NHSL1: variants seen among roughly 807,000 people sequenced by gnomAD.
NHSL1 encodes the protein NHS like 1.
A neutral mutation model predicts 95.0 loss-of-function variants in NHSL1; 48 were observed. The ratio of observed to expected loss-of-function variants is 0.51; its 90% CI spans 0.40 to 0.64. NHSL1 has a LOEUF of 0.64. Ranked by LOEUF, NHSL1 falls within the 30% of genes least tolerant of loss-of-function variation. NHSL1 has a pLI of 0.00. For synonymous variants in NHSL1, 783 were observed against 833.9 expected, an observed-to-expected ratio of 0.94 and a Z score of 1.05; for missense variants, 1,971 against 2,077.7, an observed-to-expected ratio of 0.95 and a Z score of 1.00.
At chr6:138,559,858 C>T (rs1783347112) in intron 1 of NHSL1, among the ~76,000 whole-genome samples, 1 of 152,194 alleles carries the variant, frequency 6.6e-6, no homozygotes, top group Non-Finnish European at 1.5e-5. Flanking sequence ...AATCATTCCA[C>T]AAAGCTATTC....
At chr6:138,533,179 G>A (rs1459808478) in intron 1 of NHSL1, among the ~76,000 whole-genome samples, 1 of 152,010 alleles carries the variant, frequency 6.6e-6, no homozygotes, top group Non-Finnish European at 1.5e-5. Context: ...ATAGATACAG[G>A]GGAACCCTAG....
At chr6:138,577,049 A>C (rs1202085592), upstream of NHSL1, among the ~76,000 whole-genome samples, 1 of 152,218 alleles carries the variant, frequency 6.6e-6, no homozygotes, top group Non-Finnish European at 1.5e-5. Flanking sequence ...GAATTTGGAA[A>C]GATTTATCTA....
rs1254337356 is a variant in NHSL1 at position 138,432,066 on chromosome 6, C to A, written c.2279G>T (p.Cys760Phe). Residue 760 changes from cysteine (C) to phenylalanine (F), a missense_variant, in exon 6 of 8, where the codon TGC becomes TTC. Physicochemically the swap from Cys to Phe is radical, Grantham distance 205. This residue lies in a region of NHSL1 where 1,602 missense variants were observed against 1,654.5 expected (regional missense o/e 0.97). Coordinates refer to ENST00000343505, the MANE Select transcript of NHSL1 (RefSeq NM_001144060.2). The surrounding 1 kb of genome is among the most constrained non-coding windows in gnomAD (Gnocchi z 4.4). ...SATTPNVYSL[C>F]GATPSQSDTS... ...GTCACTCTGCGATGGCGTGGCCCCG[C>A]ACAGGGAGTAGACATTGGGGGTGGT... is the stretch of plus-strand genomic sequence containing the variant. 6.4e-7 allele frequency: 1 copy of A among 1,551,710 alleles called. No homozygotes were observed. The highest frequency in any genetic ancestry group is 1.2e-5 in the South Asian group (1 of 84,064).
intron 1 of NHSL1, among the ~76,000 whole-genome samples, chr6:138,523,627 G>GA (rs67335375): frequency 0.15 from 9,544 of 64,154 alleles, 997 homozygotes; most frequent in African/African-American, 0.31. Flanking sequence ...TTTTAAAGAG[G>GA]AAAAAAAAAA....
chr6:138,456,624 T>C (rs1777629070), intron 3 of NHSL1, among the ~76,000 whole-genome samples: 2 of 152,198 alleles, frequency 1.3e-5, no homozygotes, highest in African/African-American at 2.4e-5. Context: ...GGGGATTCTG[T>C]GAAGGTTTCC....
chr6:138,642,116 G>C (rs914332895), intron 1 of NHSL1, among the ~76,000 whole-genome samples: 9 of 151,958 alleles, frequency 5.9e-5, no homozygotes, highest in African/African-American at 1.9e-4. Flanking sequence ...TAAGAGTTTA[G>C]AGAATCAAAT....
intron 2 of NHSL1, among the ~76,000 whole-genome samples, chr6:138,481,002 T>A (rs904922312): frequency 3.9e-5 from 6 of 152,150 alleles, no homozygotes; most frequent in African/African-American, 1.4e-4. Flanking sequence ...TCTATCTCAG[T>A]TAATAATCTA....
At position 138,429,825 on chromosome 6, in the gene NHSL1, T is replaced by C. The variant is rs1176712563; in HGVS notation, c.3971A>G (p.Asn1324Ser). Residue 1324 changes from asparagine to serine, a missense_variant, in exon 7 of 8, where the codon AAC (asparagine) becomes AGC (serine). Physicochemically the swap from Asn to Ser is conservative, Grantham distance 46. Transcript: ENST00000343505. Reference protein sequence around the residue: ...QDGAAGVPETNAAGSSSEACD... With the variant: ...QDGAAGVPETSAAGSSSEACD... ...GGCCTCTGAGGATGAACCGGCTGCGTTGGTCTCCGGCACCCCAGCTACAGA... is the reference window on the plus strand; with the variant it reads ...GGCCTCTGAGGATGAACCGGCTGCGCTGGTCTCCGGCACCCCAGCTACAGA... The C allele has an allele frequency of 5.8e-6, 9 of 1,551,304 alleles. No individual in the cohort carries two copies. Among genetic ancestry groups the C allele is most frequent in the East Asian group, 4.9e-5 (2 of 40,928 alleles).
At chr6:138,597,521 G>A (rs1260955423) in intron 1 of NHSL1, among the ~76,000 whole-genome samples, 6 of 152,140 alleles carry the variant, frequency 3.9e-5, no homozygotes, top group African/African-American at 9.7e-5. Context: ...CATGTTGTTC[G>A]TTTCTGGTTA....
chr6:138,426,498 T>A (rs1775270851), intron 7 of NHSL1, among the ~76,000 whole-genome samples: 2 of 152,188 alleles, frequency 1.3e-5, no homozygotes, highest in South Asian at 4.1e-4. Context: ...GGAATAACAG[T>A]ATATAGGTCA....
intron 1 of NHSL1, among the ~76,000 whole-genome samples, chr6:138,646,361 T>A (rs2114696158): frequency 6.6e-6 from 1 of 152,258 alleles, no homozygotes; most frequent in Admixed American, 6.5e-5. Flanking sequence ...GTAATTGAAT[T>A]AAAAATTCTT....
chr6:138,436,856 C>G (rs1348315681), intron 5 of NHSL1, among the ~76,000 whole-genome samples: 1 of 152,190 alleles, frequency 6.6e-6, no homozygotes, highest in Non-Finnish European at 1.5e-5. Flanking sequence ...TCTGCCTGTG[C>G]TCTGTAAATG....
chr6:138,509,248 G>GA (rs1781107354), intron 1 of NHSL1, among the ~76,000 whole-genome samples: 1 of 152,154 alleles, frequency 6.6e-6, no homozygotes, highest in South Asian at 2.1e-4. Flanking sequence ...AAATTTTATA[G>GA]AAAAAAATTG....
chr6:138,487,757 G>A (rs1234828439), intron 2 of NHSL1, among the ~76,000 whole-genome samples: 1 of 152,078 alleles, frequency 6.6e-6, no homozygotes, highest in African/African-American at 2.4e-5. Flanking sequence ...CCAGAATTCT[G>A]GTCTCCCATC....
chr6:138,611,103 G>A (rs1784506869), intron 1 of NHSL1, among the ~76,000 whole-genome samples: 1 of 151,880 alleles, frequency 6.6e-6, no homozygotes, highest in Non-Finnish European at 1.5e-5. Context: ...AAGGAGAATG[G>A]TATTTCAACA....
At chr6:138,630,540 C>A (rs1784805371) in intron 1 of NHSL1, among the ~76,000 whole-genome samples, 1 of 152,032 alleles carries the variant, frequency 6.6e-6, no homozygotes, top group Non-Finnish European at 1.5e-5. Flanking sequence ...CGTGCGCCAC[C>A]ATGCCTGGCT....
Position 138,430,739 on chromosome 6 carries a change from G to T in NHSL1, c.3606C>A (p.Phe1202Leu). 6.4e-7 allele frequency: 1 copy of T among 1,551,778 alleles called. No individual in the cohort carries two copies. The highest frequency in any genetic ancestry group is 2.4e-5 in the East Asian group (1 of 40,904). Reference protein sequence around the residue: ...PPPISKKPKLFLVVPPPQKDF... With the variant: ...PPPISKKPKLLLVVPPPQKDF... ...CTTTCTGCGGAGGTGGTACCACCAG[G>T]AACAGTTTGGGCTTCTTGGAAATGG... Residue 1202 changes from phenylalanine (F) to leucine (L), a missense_variant, in exon 6 of 8, where the codon TTC becomes TTA. This residue lies in a region of NHSL1 where 1,602 missense variants were observed against 1,654.5 expected (regional missense o/e 0.97). Transcript: ENST00000343505. This position sits in a 1 kb window ranked among gnomAD's most constrained non-coding sequence, Gnocchi z 4.7.
chr6:138,431,804 A>G lies in NHSL1; in HGVS notation c.2541T>C (p.Ser847=). The G allele has an allele frequency of 6.4e-7, 1 of 1,551,672 alleles. No individual in the cohort carries two copies. Among genetic ancestry groups the G allele is most frequent in the Non-Finnish European group, 8.7e-7 (1 of 1,146,976 alleles). ...ACTGGCTGGAATACCCACTGGATGG[A>G]GAAATGACTCTGTGTGACTTCTCTG... ...MSPEKSHRVI[S]PSSGYSSQSN... Residue 847 remains serine, a synonymous_variant, in exon 6 of 8, where the codon TCT becomes TCC. Coordinates refer to ENST00000343505, the MANE Select transcript of NHSL1 (RefSeq NM_001144060.2). This position sits in a 1 kb window ranked among gnomAD's most constrained non-coding sequence, Gnocchi z 4.0.
chr6:138,483,404 A>G (rs563665067), intron 2 of NHSL1, among the ~76,000 whole-genome samples: 3 of 152,376 alleles, frequency 2.0e-5, no homozygotes, highest in African/African-American at 4.8e-5. Context: ...GGGGAATGCT[A>G]TATCTGGTAT....
Sources: gnomAD v4.1 joint callset for allele counts (sites outside exome capture counted in the v4.1 genomes callset) on GRCh38, gnomAD v4.1.1 for gene constraint, gnomAD v4.1.1 regional missense constraint, Gnocchi (gnomAD v3.1) non-coding constraint, MANE v1.5 for transcripts, NCBI Gene and HGNC (gene_info 2026-07-23, HGNC 2026-07-21) for gene names.